Variants in KCNT2 observed in about 807,000 individuals in gnomAD.
The protein encoded by KCNT2 is potassium channel subfamily T member 2.
In KCNT2, 67 loss-of-function variants were observed where a neutral mutation model predicts 153.8. The ratio of observed to expected loss-of-function variants is 0.44; its 90% CI spans 0.36 to 0.53. KCNT2 has a LOEUF of 0.53. Ranked by LOEUF, KCNT2 falls within the 20% of genes least tolerant of loss-of-function variation. The pLI is 0.00. For missense variants in KCNT2, 975 were observed against 1,354.8 expected (o/e 0.72, Z 4.40); for synonymous variants, 500 against 458.8 (o/e 1.09, Z -1.15).
intron 25 of KCNT2, among the ~76,000 whole-genome samples, chr1:196,263,079 T>A (rs1332614065): frequency 2.0e-5 from 3 of 152,222 alleles, no homozygotes; most frequent in Non-Finnish European, 4.4e-5. Context: ...ATGACAAAAA[T>A]TATTTTAATC....
chr1:196,400,775 A>G (rs933707374), intron 12 of KCNT2, among the ~76,000 whole-genome samples: 1 of 151,840 alleles, frequency 6.6e-6, no homozygotes, highest in Non-Finnish European at 1.5e-5. Context: ...TTGTCCTTGC[A>G]TATGACAACT....
At chr1:196,345,396 C>G (rs1379544504) in intron 14 of KCNT2, among the ~76,000 whole-genome samples, 1 of 152,032 alleles carries the variant, frequency 6.6e-6, no homozygotes, top group Admixed American at 6.6e-5. Flanking sequence ...TTCCCTGAGA[C>G]AGTTAATGCT....
At chr1:196,568,809 C>A (rs1324580928) in intron 1 of KCNT2, among the ~76,000 whole-genome samples, 36 of 150,026 alleles carry the variant, frequency 2.4e-4, no homozygotes, top group Admixed American at 2.1e-3. Flanking sequence ...CAGGTTCCAA[C>A]ATAATTGAAG....
chr1:196,301,699 T>G (rs1450591797), intron 22 of KCNT2, among the ~76,000 whole-genome samples: 1 of 152,136 alleles, frequency 6.6e-6, no homozygotes, highest in East Asian at 1.9e-4. Context: ...AATAAAAGTG[T>G]GAAAGTGTGT....
At chr1:196,525,001 A>G (rs1653985880) in intron 1 of KCNT2, among the ~76,000 whole-genome samples, 1 of 152,128 alleles carries the variant, frequency 6.6e-6, no homozygotes, top group Non-Finnish European at 1.5e-5. Context: ...AAATCTGGTG[A>G]TTTGTTGTAT....
At chr1:196,518,478 T>TAAAAAAAAAAAAAAAAAAAA (rs35962682) in intron 1 of KCNT2, among the ~76,000 whole-genome samples, 2 of 126,362 alleles carry the variant, frequency 1.6e-5, no homozygotes, top group Non-Finnish European at 3.4e-5. Flanking sequence ...AAGCTGGATT[T>TAAAAAAAAAAAAAAAAAAAA]AAAAAAAAAA....
intron 13 of KCNT2, among the ~76,000 whole-genome samples, chr1:196,388,090 A>T (rs1037115512): frequency 2.0e-5 from 3 of 151,662 alleles, no homozygotes; most frequent in African/African-American, 7.3e-5. Flanking sequence ...GTTAATATTC[A>T]CTGTGTGGTG....
intron 11 of KCNT2, among the ~76,000 whole-genome samples, chr1:196,424,815 T>G (rs529822793): frequency 6.6e-6 from 1 of 151,786 alleles, no homozygotes. Flanking sequence ...AGTCCAGAAG[T>G]CTGTTCCACA....
chr1:196,266,541 T>C (rs1657558783), intron 25 of KCNT2, among the ~76,000 whole-genome samples: 2 of 152,160 alleles, frequency 1.3e-5, no homozygotes, highest in African/African-American at 2.4e-5. Context: ...AATCAAATCT[T>C]TGACATGTAC....
intron 1 of KCNT2, among the ~76,000 whole-genome samples, chr1:196,500,101 A>T (rs958385750): frequency 1.3e-5 from 2 of 151,572 alleles, no homozygotes; most frequent in Admixed American, 1.3e-4. Flanking sequence ...CTGAGATTGC[A>T]CAACTGCACT....
At chr1:196,273,770 T>A (rs1046702326) in intron 25 of KCNT2, among the ~76,000 whole-genome samples, 3 of 151,732 alleles carry the variant, frequency 2.0e-5, no homozygotes, top group Non-Finnish European at 3.0e-5. Flanking sequence ...GGGACAATGG[T>A]TATTCCACTA....
chr1:196,280,693 A>T (rs1048980938), intron 25 of KCNT2, among the ~76,000 whole-genome samples, 167 bp downstream of exon 25: 1 of 152,198 alleles, frequency 6.6e-6, no homozygotes, highest in African/African-American at 2.4e-5. Context: ...TAGTTTAGTA[A>T]AACAAATAGT....
intron 13 of KCNT2, among the ~76,000 whole-genome samples, chr1:196,394,306 T>C (rs1166771903): frequency 6.6e-6 from 1 of 151,464 alleles, no homozygotes; most frequent in Non-Finnish European, 1.5e-5. Context: ...CAGAAAAAGA[T>C]GAAAAGGGAC....
At chr1:196,295,842 C>T (rs1209194168) in intron 22 of KCNT2, among the ~76,000 whole-genome samples, 1 of 151,870 alleles carries the variant, frequency 6.6e-6, no homozygotes, top group Non-Finnish European at 1.5e-5. Flanking sequence ...ATTTAAATAT[C>T]TGAGTCCTTA....
chr1:196,463,028 A>G (rs6682225), intron 8 of KCNT2, among the ~76,000 whole-genome samples: 77,253 of 151,372 alleles, frequency 0.51, 20,873 homozygotes, highest in Middle Eastern at 0.73. Flanking sequence ...TTGCAAGAAC[A>G]GGGCAGCCAT....
At chr1:196,394,787 C>A (rs1488230684) in intron 13 of KCNT2, among the ~76,000 whole-genome samples, 3 of 151,442 alleles carry the variant, frequency 2.0e-5, no homozygotes, top group Non-Finnish European at 4.4e-5. Flanking sequence ...ATGCTTATAT[C>A]TTTTACTTTT....
intron 22 of KCNT2, among the ~76,000 whole-genome samples, chr1:196,293,515 T>C (rs999005580): frequency 2.0e-5 from 3 of 152,098 alleles, no homozygotes; most frequent in Non-Finnish European, 4.4e-5. Flanking sequence ...TAATGGCCTA[T>C]TGATTTTTTT....
intron 19 of KCNT2, among the ~76,000 whole-genome samples, 199 bp downstream of exon 19, chr1:196,326,518 T>A (rs1240362429): frequency 6.6e-6 from 1 of 152,106 alleles, no homozygotes; most frequent in Non-Finnish European, 1.5e-5. Flanking sequence ...TATCCCAGTT[T>A]TAAGTAGTAT....
At chr1:196,552,498 C>A (rs1250799192) in intron 1 of KCNT2, among the ~76,000 whole-genome samples, 1 of 151,334 alleles carries the variant, frequency 6.6e-6, no homozygotes, top group Non-Finnish European at 1.5e-5. Context: ...TAACACCAGA[C>A]CTCTCCTACA....
Sources: allele counts gnomAD v4.1 joint callset (sites outside exome capture counted in the v4.1 genomes callset), GRCh38; gene constraint gnomAD v4.1.1; transcripts MANE v1.5; gene names NCBI Gene and HGNC (gene_info 2026-07-23, HGNC 2026-07-21).